MAP2K6: variants seen among roughly 807,000 people sequenced by gnomAD.
MAP2K6 encodes dual specificity mitogen-activated protein kinase kinase 6.
MAP2K6 carries 16 observed loss-of-function variants against 53.7 expected under a neutral mutation model. The observed-to-expected ratio is 0.30, with a 90% CI of 0.20 to 0.45. MAP2K6 has a LOEUF of 0.45. Among genes scored for constraint, MAP2K6 ranks in the 20% least tolerant of loss-of-function variants. The probability of loss-of-function intolerance (pLI) is 1.00; values close to 1 mark genes in which losing one functional copy is unlikely to be tolerated. For synonymous variants in MAP2K6, 132 were observed against 143.1 expected, an observed-to-expected ratio of 0.92 and a Z score of 0.55; for missense variants, 204 against 411.9, an observed-to-expected ratio of 0.50 and a Z score of 4.37.
At chr17:69,475,411 G>T (rs1191592517) in intron 1 of MAP2K6, among the ~76,000 whole-genome samples, 1 of 151,876 alleles carries the variant, frequency 6.6e-6, no homozygotes, top group East Asian at 1.9e-4. Context: ...CTCGTGATCC[G>T]CCCGTCTCGG....
chr17:69,524,070 T>C (rs972819764), intron 8 of MAP2K6, among the ~76,000 whole-genome samples: 1 of 152,046 alleles, frequency 6.6e-6, no homozygotes, highest in African/African-American at 2.4e-5. Flanking sequence ...ATCCTATTCA[T>C]TAGTATTCCA....
In MAP2K6 at chr17:69,505,418, G is replaced by A. The variant is rs142968445; in HGVS notation, c.17-362G>A. 1.8e-4 allele frequency: 37 copies of A among 205,804 alleles called. No homozygotes were observed. The East Asian group carries it at 5.1e-3, about 28-fold the overall frequency. 12.7% of individuals were successfully genotyped at this position (205,804 alleles called of 1,614,324 possible). On this transcript the variant is annotated intron_variant, in intron 1 of 11. Transcript: ENST00000590474. ...AGATTGTGCCACTGTACTCCAGCCT[G>A]GGTGACAGAGTGAGACTCTGTCTCA...
At chr17:69,478,832 A>G (rs1013947138) in intron 1 of MAP2K6, among the ~76,000 whole-genome samples, 1 of 152,114 alleles carries the variant, frequency 6.6e-6, no homozygotes, top group Non-Finnish European at 1.5e-5. Context: ...AGTGCTATGT[A>G]TTTATCTCTT....
intron 1 of MAP2K6, chr17:69,504,310 C>G (rs957962120): frequency 1.3e-5 from 2 of 151,982 alleles, no homozygotes; most frequent in African/African-American, 4.9e-5. Flanking sequence ...GAGTCTTGCA[C>G]TGTCGCCCAG....
intron 1 of MAP2K6, chr17:69,434,517 C>T (rs1211295684): frequency 6.6e-6 from 1 of 152,144 alleles, no homozygotes; most frequent in Non-Finnish European, 1.5e-5. Context: ...AGAGCTGGAG[C>T]TTCTGGGCCT....
intron 4 of MAP2K6, 81 bp downstream of exon 4, chr17:69,517,694 T>C: frequency 1.1e-6 from 1 of 903,800 alleles, no homozygotes; most frequent in Non-Finnish European, 1.6e-6. Context: ...GCCCTTTTAA[T>C]AGAAGCAAAA....
At chr17:69,537,361 C>G (rs1911411185) in intron 11 of MAP2K6, among the ~76,000 whole-genome samples, 1 of 152,152 alleles carries the variant, frequency 6.6e-6, no homozygotes, top group Admixed American at 6.5e-5. Flanking sequence ...TGCACAATTT[C>G]AAAAGCAATA....
intron 10 of MAP2K6, among the ~76,000 whole-genome samples, chr17:69,527,606 T>C (rs1442016407): frequency 2.6e-5 from 4 of 152,166 alleles, no homozygotes; most frequent in Non-Finnish European, 4.4e-5. Context: ...AGCACACCCC[T>C]GAGCCAGGTT....
chr17:69,501,942 G>A (rs1379406109), intron 1 of MAP2K6, among the ~76,000 whole-genome samples: 1 of 130,328 alleles, frequency 7.7e-6, no homozygotes, highest in African/African-American at 2.9e-5. Context: ...TTTTTTAACA[G>A]TGTTCAATGT....
rs370917523 is a variant in MAP2K6, at chr17:69,541,785, G to A, written c.*32G>A. 49 of 1,562,702 alleles carry A rather than the reference G, an allele frequency of 3.1e-5. No individual in the cohort carries two copies. The highest frequency in any genetic ancestry group is 6.7e-5 in the Admixed American group (4 of 59,506). ...GTGGACTTAATCGGTTGACCCTACT[G>A]TGGATTGGTGGGTTTCGGGGTGAAG... On this transcript the variant is annotated 3_prime_UTR_variant, in exon 12 of 12. Transcript: ENST00000590474.
At chr17:69,520,773 G>A (rs1416469649) in intron 6 of MAP2K6, 4 of 407,686 alleles carry the variant, frequency 9.8e-6, no homozygotes, top group Middle Eastern at 6.3e-4. Context: ...TACCTTCATG[G>A]CTATTCAGGC....
intron 1 of MAP2K6, among the ~76,000 whole-genome samples, chr17:69,444,367 T>G (rs1906907995): frequency 6.6e-6 from 1 of 152,186 alleles, no homozygotes; most frequent in Admixed American, 6.5e-5. Context: ...CAATGAGTTT[T>G]TTGTTAAAAG....
chr17:69,470,460 G>A lies in MAP2K6; in HGVS notation c.17-35320G>A, dbSNP rs60278509. On this transcript the variant is annotated intron_variant, in intron 1 of 11. Coordinates refer to ENST00000590474, the MANE Select transcript of MAP2K6 (RefSeq NM_002758.4). ...CAGGGAAGGGAGGAAACCCTGCAAG[G>A]AAGCACTGGAATCTTTCCCAGGACA... Among the ~76,000 whole-genome samples the A allele has an allele frequency of 2.6e-3, 401 of 152,272 alleles. 3 individuals are homozygous for A. The highest frequency in any genetic ancestry group is 9.4e-3 in the African/African-American group (392 of 41,556).
At chr17:69,506,130 G>A (rs1471333404) in intron 2 of MAP2K6, among the ~76,000 whole-genome samples, 2 of 152,206 alleles carry the variant, frequency 1.3e-5, no homozygotes, top group Non-Finnish European at 2.9e-5. Flanking sequence ...GCCCCTGGAT[G>A]TGAACTTCCT....
intron 2 of MAP2K6, among the ~76,000 whole-genome samples, chr17:69,510,122 A>G (rs1000046976): frequency 2.6e-5 from 4 of 152,206 alleles, no homozygotes; most frequent in Non-Finnish European, 5.9e-5. Flanking sequence ...CTGGGATTAC[A>G]GGCGCGAGCC....
intron 10 of MAP2K6, among the ~76,000 whole-genome samples, chr17:69,534,792 T>TTCCTTTCCATTCCAATGCCAGGCAAAGC (rs2076551559): frequency 6.6e-6 from 1 of 152,074 alleles, no homozygotes; most frequent in Non-Finnish European, 1.5e-5. Context: ...CCAGGCAAAA[T>TTCCTTTCCATTCCAATGCCAGGCAAAGC]TCCTTTCCAT....
chr17:69,485,359 A>G (rs978596499), intron 1 of MAP2K6: 1 of 383,046 alleles, frequency 2.6e-6, no homozygotes, highest in Admixed American at 6.5e-5. Flanking sequence ...CCTTTAGAAG[A>G]AAGAAGGAAG....
At chr17:69,534,961 T>C (rs1190211963) in intron 10 of MAP2K6, among the ~76,000 whole-genome samples, 1 of 152,054 alleles carries the variant, frequency 6.6e-6, no homozygotes, top group Non-Finnish European at 1.5e-5. Context: ...TTTCTTTTCT[T>C]TTCTTTCTTT....
intron 1 of MAP2K6, among the ~76,000 whole-genome samples, chr17:69,474,386 G>A (rs1908071637): frequency 6.6e-6 from 1 of 152,144 alleles, no homozygotes; most frequent in Non-Finnish European, 1.5e-5. Flanking sequence ...ACTCTCAAAA[G>A]TCTTTCATTT....
Sources: gnomAD v4.1 joint callset for allele counts (sites outside exome capture counted in the v4.1 genomes callset) on GRCh38, gnomAD v4.1.1 for gene constraint, MANE v1.5 for transcripts, NCBI Gene and HGNC (gene_info 2026-07-23, HGNC 2026-07-21) for gene names.